The following CHEK2 variants were observed in gnomAD, a reference collection of about 807,000 sequenced individuals.
The protein encoded by CHEK2 is serine/threonine-protein kinase Chk2.
In CHEK2, 71 loss-of-function variants were observed where a neutral mutation model predicts 69.1. The observed-to-expected ratio is 1.03, with a 90% CI of 0.85 to 1.25. The LOEUF (loss-of-function observed/expected upper bound fraction) is 1.25. Among genes scored for constraint, CHEK2 ranks in the 50% most tolerant of loss-of-function variants. CHEK2 has a pLI of 0.00. For synonymous variants in CHEK2, 189 were observed against 226.9 expected (o/e 0.83, Z 1.50); for missense variants, 664 against 649.6 (o/e 1.02, Z -0.24).
intron 1 of CHEK2, among the ~76,000 whole-genome samples, chr22:28,736,706 A>G (rs2054417178): frequency 6.6e-6 from 1 of 152,116 alleles, no homozygotes; most frequent in African/African-American, 2.4e-5. Flanking sequence ...TTGGGAGGCC[A>G]AGGCAAGAGG....
chr22:28,719,074 C>G (rs1428580234), intron 5 of CHEK2, among the ~76,000 whole-genome samples: 4 of 151,942 alleles, frequency 2.6e-5, no homozygotes, highest in Non-Finnish European at 5.9e-5. Context: ...AAAACAAAAA[C>G]ACACATTAGT....
intron 7 of CHEK2, 87 bp from the exon 8 acceptor site, chr22:28,703,653 C>T: frequency 1.2e-6 from 1 of 848,606 alleles, no homozygotes; most frequent in Non-Finnish European, 1.9e-6. Flanking sequence ...CCCAGAGGGA[C>T]AGGGAGGCCA....
At chr22:28,705,339 A>C (rs1446689284) in intron 7 of CHEK2, among the ~76,000 whole-genome samples, 3 of 151,706 alleles carry the variant, frequency 2.0e-5, no homozygotes, top group African/African-American at 7.3e-5. Context: ...AGCCTCCCAA[A>C]GTGTTGGGAT....
intron 9 of CHEK2, among the ~76,000 whole-genome samples, chr22:28,699,195 G>A (rs980768799): frequency 2.0e-5 from 3 of 151,834 alleles, no homozygotes; most frequent in Non-Finnish European, 4.4e-5. Context: ...AGAGATGGGG[G>A]TCCCATTATA....
chr22:28,689,896 C>T (rs1057429623), intron 13 of CHEK2, among the ~76,000 whole-genome samples: 4 of 152,116 alleles, frequency 2.6e-5, no homozygotes, highest in Non-Finnish European at 2.9e-5. Context: ...CTGCAGGGTT[C>T]GAGGATTTGC....
At chr22:28,725,865 C>T (rs1319903081) in intron 2 of CHEK2, among the ~76,000 whole-genome samples, 3 of 149,992 alleles carry the variant, frequency 2.0e-5, no homozygotes, top group Non-Finnish European at 4.4e-5. Flanking sequence ...GCTGAGACTG[C>T]GCCACTGCAC....
chr22:28,689,107 AT>A (rs1335694386), intron 14 of CHEK2, 27 bp downstream of exon 14: 1 of 1,493,268 alleles, frequency 6.7e-7, no homozygotes, highest in Non-Finnish European at 9.2e-7. Context: ...CCCAGACTAC[AT>A]TTAGTGATCA....
intron 4 of CHEK2, chr22:28,721,514 T>A (rs1279207299): frequency 2.6e-6 from 1 of 391,318 alleles, no homozygotes; most frequent in South Asian, 1.9e-5. Flanking sequence ...CTCGAACTCC[T>A]GACCTCAGGT....
chr22:28,688,387 G>A (rs1273085741), intron 14 of CHEK2, among the ~76,000 whole-genome samples: 2 of 152,272 alleles, frequency 1.3e-5, no homozygotes, highest in African/African-American at 4.8e-5. Flanking sequence ...TTGGGAGGAA[G>A]GCTGGGTGCG....
chr22:28,730,350 GGGAAAGGGGAAAGGAAAA>G (rs2054173505), intron 2 of CHEK2: 1 of 485,328 alleles, frequency 2.1e-6, no homozygotes, highest in African/African-American at 2.0e-5. Flanking sequence ...AAAAAGAAAG[GGGAAAGGGGAAAGGAAAA>G]GGAAAAGGGA....
chr22:28,689,280 G>A (rs762653025), intron 13 of CHEK2, 65 bp from the exon 14 acceptor site: 20 of 1,084,488 alleles, frequency 1.8e-5, no homozygotes, highest in South Asian at 1.5e-4. Flanking sequence ...GAATGACAGG[G>A]CTAGCATGCC....
intron 2 of CHEK2, among the ~76,000 whole-genome samples, chr22:28,725,653 G>A (rs113060352): frequency 6.6e-6 from 1 of 152,098 alleles, no homozygotes; most frequent in African/African-American, 2.4e-5. Flanking sequence ...TTGACCCCAG[G>A]AGCTCATGAC....
At chr22:28,725,213 C>G (rs1389333699) in intron 3 of CHEK2, 30 bp downstream of exon 3, 3 of 1,614,006 alleles carry the variant, frequency 1.9e-6, no homozygotes, top group Non-Finnish European at 2.5e-6. Context: ...ATTACCAGCT[C>G]TCCTAGATAC....
At chr22:28,696,759 T>C (rs986010079) in intron 10 of CHEK2, 142 bp downstream of exon 10, 12 of 674,234 alleles carry the variant, frequency 1.8e-5, no homozygotes, top group Non-Finnish European at 3.0e-5. Flanking sequence ...AAGAGCAGTA[T>C]CACCTGATCT....
At chr22:28,724,539 A>C (rs970337583) in intron 4 of CHEK2, 2 of 253,082 alleles carry the variant, frequency 7.9e-6, no homozygotes, top group African/African-American at 4.5e-5. Flanking sequence ...TAGGACGGCA[A>C]AGTTGAATCT....
chr22:28,711,621 TA>T (rs990774329), intron 6 of CHEK2, among the ~76,000 whole-genome samples: 2 of 151,198 alleles, frequency 1.3e-5, no homozygotes, highest in African/African-American at 4.9e-5. Flanking sequence ...TCATTTATTG[TA>T]AAAACAATCT....
intron 5 of CHEK2, among the ~76,000 whole-genome samples, chr22:28,717,023 T>G (rs2053610218): frequency 6.6e-6 from 1 of 152,202 alleles, no homozygotes; most frequent in Non-Finnish European, 1.5e-5. Flanking sequence ...AAAAAAATTT[T>G]GCAAAAATGT....
intron 10 of CHEK2, 94 bp from the exon 11 acceptor site, chr22:28,695,967 T>C: frequency 1.0e-6 from 1 of 955,450 alleles, no homozygotes; most frequent in Non-Finnish European, 1.7e-6. Context: ...GTAGGCTAGA[T>C]CAGTTTCTAT....
chr22:28,695,430 G>A (rs928628514), intron 11 of CHEK2, among the ~76,000 whole-genome samples, 188 bp from the exon 12 acceptor site: 2 of 152,222 alleles, frequency 1.3e-5, no homozygotes, highest in Non-Finnish European at 2.9e-5. Context: ...GCCGAGGCAG[G>A]AGGATCACTT....
Sources: gnomAD v4.1 joint callset for allele counts (sites outside exome capture counted in the v4.1 genomes callset) on GRCh38, gnomAD v4.1.1 for gene constraint, MANE v1.5 for transcripts, NCBI Gene and HGNC (gene_info 2026-07-23, HGNC 2026-07-21) for gene names.